Variants in GPC5 observed in about 807,000 individuals in gnomAD.
GPC5 encodes the protein glypican-5.
Under a neutral mutation model 53.9 loss-of-function variants are expected in GPC5, and 47 were observed. The ratio of observed to expected loss-of-function variants is 0.87; its 90% confidence interval spans 0.69 to 1.11. The LOEUF is 1.11. Among genes scored for constraint, GPC5 ranks in the 50% most tolerant of loss-of-function variants. GPC5 has a pLI of 0.00. For missense variants in GPC5, 748 were observed against 713.1 expected (o/e 1.05, Z -0.56); for synonymous variants, 286 against 263.3 (o/e 1.09, Z -0.84).
chr13:91,782,168 C>A (rs2037808075), intron 5 of GPC5, among the ~76,000 whole-genome samples: 2 of 152,154 alleles, frequency 1.3e-5, no homozygotes, highest in Non-Finnish European at 2.9e-5. Flanking sequence ...CATTCCAAGT[C>A]TTTCTGTGTC....
At chr13:92,865,271 A>G (rs1379658661) in intron 7 of GPC5, among the ~76,000 whole-genome samples, 1 of 152,072 alleles carries the variant, frequency 6.6e-6, no homozygotes, top group Non-Finnish European at 1.5e-5. Context: ...CCCTAACTTC[A>G]TTCTCCAGTC....
intron 7 of GPC5, among the ~76,000 whole-genome samples, chr13:92,491,130 A>T (rs1165676196): frequency 6.6e-6 from 1 of 152,134 alleles, no homozygotes; most frequent in African/African-American, 2.4e-5. Context: ...TTTCAGAATT[A>T]AACCTATGCT....
At chr13:92,714,935 G>A (rs1005766137) in intron 7 of GPC5, among the ~76,000 whole-genome samples, 3 of 152,042 alleles carry the variant, frequency 2.0e-5, no homozygotes, top group African/African-American at 7.2e-5. Flanking sequence ...GCATGGTGGT[G>A]GGTGCCTGGA....
chr13:92,644,674 A>G (rs1313415056), intron 7 of GPC5, among the ~76,000 whole-genome samples: 1 of 152,176 alleles, frequency 6.6e-6, no homozygotes, highest in Non-Finnish European at 1.5e-5. Flanking sequence ...GAGAATTAAT[A>G]TATATGCATG....
intron 7 of GPC5, among the ~76,000 whole-genome samples, chr13:92,280,981 G>A (rs909313389): frequency 2.0e-5 from 3 of 152,188 alleles, no homozygotes; most frequent in East Asian, 1.9e-4. Context: ...GAGGGGTCAG[G>A]GAATTCCCTT....
At chr13:91,475,738 G>A (rs1334526804) in intron 2 of GPC5, among the ~76,000 whole-genome samples, 1 of 152,156 alleles carries the variant, frequency 6.6e-6, no homozygotes, top group Non-Finnish European at 1.5e-5. Context: ...TTGTTGGCAG[G>A]ACTGTGAGAG....
At chr13:91,775,826 T>C in intron 5 of GPC5, among the ~76,000 whole-genome samples, 1 of 152,352 alleles carries the variant, frequency 6.6e-6, no homozygotes, top group South Asian at 2.1e-4. Context: ...AGGTTTCATC[T>C]AAGTGAGAAT....
chr13:91,772,351 G>A (rs2037639338), intron 5 of GPC5, among the ~76,000 whole-genome samples: 1 of 152,014 alleles, frequency 6.6e-6, no homozygotes, highest in African/African-American at 2.4e-5. Context: ...ATACTGAAAC[G>A]GCATGTGATG....
intron 2 of GPC5, among the ~76,000 whole-genome samples, chr13:91,565,931 A>T (rs560500014): frequency 6.6e-6 from 1 of 152,136 alleles, no homozygotes; most frequent in African/African-American, 2.4e-5. Context: ...GGTGTTCCTT[A>T]TCTTGTAGAC....
chr13:92,768,577 T>C (rs1182745830), intron 7 of GPC5, among the ~76,000 whole-genome samples: 1 of 152,178 alleles, frequency 6.6e-6, no homozygotes, highest in East Asian at 1.9e-4. Context: ...TTACCTGATT[T>C]CTCTAATTTT....
chr13:92,144,210 G>A (rs1022743228), intron 6 of GPC5, among the ~76,000 whole-genome samples: 1 of 152,122 alleles, frequency 6.6e-6, no homozygotes, highest in East Asian at 1.9e-4. Context: ...AAATACTTGA[G>A]AATCAAGAAC....
intron 7 of GPC5, among the ~76,000 whole-genome samples, chr13:92,294,858 T>C (rs955741018): frequency 6.9e-6 from 1 of 145,924 alleles, no homozygotes; most frequent in African/African-American, 2.6e-5. Context: ...AGATGGAGTT[T>C]CGCTGTTGTT....
chr13:92,018,389 G>A lies in GPC5; in HGVS notation c.1401+110332G>A, dbSNP rs978920645. Among the ~76,000 whole-genome samples the A allele has an allele frequency of 3.3e-5, 5 of 152,074 alleles. No homozygotes were observed. In the East Asian group the frequency reaches 9.7e-4, roughly 29 times the overall value. On this transcript the variant is annotated intron_variant, in intron 6 of 7. Transcript: ENST00000377067. ...ATATGAACAGAATTTTGGGGAGTTC[G>A]ACTATATAAGGAAGAGGGAAATAAG...
chr13:92,531,016 TA>T (rs1199655525), intron 7 of GPC5, among the ~76,000 whole-genome samples: 1 of 152,218 alleles, frequency 6.6e-6, no homozygotes, highest in Non-Finnish European at 1.5e-5. Flanking sequence ...GCAGGTAATA[TA>T]AATACCTAAA....
At chr13:92,315,057 A>G (rs2043169930) in intron 7 of GPC5, among the ~76,000 whole-genome samples, 2 of 152,162 alleles carry the variant, frequency 1.3e-5, no homozygotes, top group Non-Finnish European at 2.9e-5. Flanking sequence ...GATTACAGGT[A>G]TGAGCCACTG....
At chr13:92,594,537 T>C (rs9523723) in intron 7 of GPC5, among the ~76,000 whole-genome samples, 91,840 of 152,004 alleles carry the variant, frequency 0.6, 29,756 homozygotes, top group East Asian at 0.87. Flanking sequence ...TTCTAAAAAG[T>C]TCACCTTCAG....
chr13:91,752,695 C>A (rs2037205115), intron 4 of GPC5, among the ~76,000 whole-genome samples: 1 of 152,110 alleles, frequency 6.6e-6, no homozygotes, highest in Non-Finnish European at 1.5e-5. Flanking sequence ...GAAAGATTTT[C>A]TCCATGTCCA....
chr13:91,527,674 A>C (rs1052591012), intron 2 of GPC5, among the ~76,000 whole-genome samples: 1 of 152,206 alleles, frequency 6.6e-6, no homozygotes, highest in African/African-American at 2.4e-5. Context: ...GTACTGCCCT[A>C]ATAGAGATTC....
chr13:91,562,266 C>T (rs1394875408), intron 2 of GPC5, among the ~76,000 whole-genome samples: 2 of 148,806 alleles, frequency 1.3e-5, no homozygotes, highest in Non-Finnish European at 3.0e-5. Flanking sequence ...AAAGCCAGCC[C>T]CAAATATCTG....
Sources: allele counts gnomAD v4.1 joint callset (sites outside exome capture counted in the v4.1 genomes callset), GRCh38; gene constraint gnomAD v4.1.1; transcripts MANE v1.5; gene names NCBI Gene and HGNC (gene_info 2026-07-23, HGNC 2026-07-21).